KCNT2: variants seen among roughly 807,000 people sequenced by gnomAD.
KCNT2 encodes potassium channel subfamily T member 2.
A neutral mutation model predicts 153.8 loss-of-function variants in KCNT2; 67 were observed. The ratio of observed to expected loss-of-function variants is 0.44; its 90% confidence interval spans 0.36 to 0.53. KCNT2 has a LOEUF of 0.53. KCNT2 is among the 20% of genes least tolerant of loss of function. The pLI is 0.00. For missense variants in KCNT2, 975 were observed against 1,354.8 expected (o/e 0.72, Z 4.40); for synonymous variants, 500 against 458.8 (o/e 1.09, Z -1.15).
At chr1:196,537,253 G>T (rs1189787711) in intron 1 of KCNT2, among the ~76,000 whole-genome samples, 1 of 152,160 alleles carries the variant, frequency 6.6e-6, no homozygotes. Context: ...ACAACATACG[G>T]TGAGGCTATG....
intron 25 of KCNT2, among the ~76,000 whole-genome samples, chr1:196,265,442 A>G (rs1657448097): frequency 6.6e-6 from 1 of 152,180 alleles, no homozygotes; most frequent in Non-Finnish European, 1.5e-5. Context: ...CATGTGTCTT[A>G]GCCCAGACCT....
intron 25 of KCNT2, among the ~76,000 whole-genome samples, chr1:196,269,050 T>A (rs1443684986): frequency 6.6e-6 from 1 of 152,044 alleles, no homozygotes. Context: ...TGTGAAGAAA[T>A]CAAAGGCGTA....
chr1:196,273,733 A>G (rs931318491), intron 25 of KCNT2, among the ~76,000 whole-genome samples: 8 of 151,762 alleles, frequency 5.3e-5, no homozygotes, highest in Non-Finnish European at 1.2e-4. Context: ...TCCCATTGTA[A>G]TAGTAGAGTG....
At chr1:196,424,191 A>G (rs144492374) in intron 11 of KCNT2, among the ~76,000 whole-genome samples, 2 of 151,988 alleles carry the variant, frequency 1.3e-5, no homozygotes, top group Non-Finnish European at 2.9e-5. Flanking sequence ...TCATTTTAAG[A>G]CTATTGGTAA....
chr1:196,561,524 A>G (rs185152874), intron 1 of KCNT2, among the ~76,000 whole-genome samples: 136 of 151,640 alleles, frequency 9.0e-4, no homozygotes, highest in Admixed American at 1.8e-3. Flanking sequence ...TTGTAAACCA[A>G]AAAGTATCTG....
chr1:196,577,408 G>A (rs1661494900), intron 1 of KCNT2, among the ~76,000 whole-genome samples: 1 of 152,174 alleles, frequency 6.6e-6, no homozygotes, highest in Admixed American at 6.6e-5. Flanking sequence ...AAGCCTGACA[G>A]ACTGAATGGA....
At chr1:196,496,053 G>A (rs1229798804) in intron 1 of KCNT2, among the ~76,000 whole-genome samples, 1 of 151,856 alleles carries the variant, frequency 6.6e-6, no homozygotes, top group Non-Finnish European at 1.5e-5. Flanking sequence ...TCTCTTACAT[G>A]TGATTTTTTT....
In KCNT2 at chr1:196,226,802, T is replaced by G. The variant is rs146118338; in HGVS notation, c.*1422A>C. The stretch of plus-strand genomic sequence containing the variant: ...AAAAAAGTCCCTTTCTAGTTTTATA[T>G]GTATTTTTTGTTGTTGCTGAATTAA... On this transcript the variant is annotated 3_prime_UTR_variant, in exon 28 of 28. Coordinates refer to ENST00000294725, the MANE Select transcript of KCNT2 (RefSeq NM_198503.5). 6.6e-6 allele frequency: 1 copy of G among 152,030 alleles called. No individual in the cohort carries two copies. The highest frequency in any genetic ancestry group is 1.5e-5 in the Non-Finnish European group (1 of 67,862). 9.4% of individuals were successfully genotyped at this position (152,030 alleles called of 1,614,324 possible).
rs1243590926 is a variant in KCNT2, at chr1:196,584,195, A to AAAATAAAATAAAAT, written c.95+24019_95+24020insATTTTATTTTATTT. On this transcript the variant is annotated intron_variant, in intron 1 of 27. Coordinates refer to ENST00000294725, the MANE Select transcript of KCNT2 (RefSeq NM_198503.5). Reference sequence around the variant, plus strand: ...TAAAATAAAATAAAATAAAATAAAAAGAATAGAAGCTCCCGCCCAAACCCT... The same window carrying AAAATAAAATAAAAT: ...TAAAATAAAATAAAATAAAATAAAAAAAATAAAATAAAATGAATAGAAGCTCCCGCCCAAACCCT... 2.6e-3 allele frequency among the ~76,000 whole-genome samples: 11 copies of AAAATAAAATAAAAT among 4,258 alleles called. 1 individual carries two copies. The South Asian group carries it at 0.13, about 51-fold the overall frequency. The allele number at this position is 4,258 out of a possible 152,430, so 2.8% of individuals were successfully genotyped here.
intron 22 of KCNT2, among the ~76,000 whole-genome samples, chr1:196,289,970 C>G (rs919380378): frequency 2.0e-5 from 3 of 151,892 alleles, no homozygotes; most frequent in African/African-American, 7.2e-5. Context: ...GAACATGTGC[C>G]TTTCTTGGAA....
chr1:196,261,525 T>C (rs1657024711), intron 25 of KCNT2, among the ~76,000 whole-genome samples: 1 of 151,770 alleles, frequency 6.6e-6, no homozygotes, highest in Non-Finnish European at 1.5e-5. Flanking sequence ...AGGAAGAAAA[T>C]AATACGAAAT....
At chr1:196,305,863 T>G (rs1017446641) in intron 21 of KCNT2, among the ~76,000 whole-genome samples, 1 of 152,154 alleles carries the variant, frequency 6.6e-6, no homozygotes, top group African/African-American at 2.4e-5. Context: ...AAAACTTCAT[T>G]GTAATTAATT....
chr1:196,489,924 G>A lies in KCNT2; in HGVS notation c.189C>T (p.Arg63=). 1 of 1,555,592 alleles carries A rather than the reference G, an allele frequency of 6.4e-7. No individual in the cohort carries two copies. The highest frequency in any genetic ancestry group is 1.9e-5 in the Admixed American group (1 of 53,766). ...IKNQRSSLRI[R]LFNFSLKLLS... is the part of the protein sequence containing the mutation. Reference sequence around the variant, plus strand: ...GTAATTTGAGAGAAAAATTGAACAGGCGTATCCTTAGACCTTTAAACAAAT... The same window carrying A: ...GTAATTTGAGAGAAAAATTGAACAGACGTATCCTTAGACCTTTAAACAAAT... The change falls in exon 3 of 28, where the codon CGC becomes CGT. Residue 63 remains arginine (R), a synonymous_variant. Coordinates refer to ENST00000294725, the MANE Select transcript of KCNT2 (RefSeq NM_198503.5).
At chr1:196,235,220 C>A (rs1414506789) in intron 27 of KCNT2, among the ~76,000 whole-genome samples, 1 of 151,414 alleles carries the variant, frequency 6.6e-6, no homozygotes, top group African/African-American at 2.4e-5. Flanking sequence ...TTATGCAATT[C>A]CTGCATTTTC....
rs191431810 is a variant in KCNT2, at chr1:196,332,457, A to T, written c.1998-1196T>A. On this transcript the variant is annotated intron_variant, in intron 17 of 27. Transcript: ENST00000294725. ...GAAGAGTAGATTTGGTTTTGTGGGTACACCAACCTTTCTTACAGTATTTTT... is the reference window on the plus strand; with the variant it reads ...GAAGAGTAGATTTGGTTTTGTGGGTTCACCAACCTTTCTTACAGTATTTTT... Among the ~76,000 whole-genome samples the T allele has an allele frequency of 6.1e-4, 93 of 152,240 alleles. No homozygotes were observed. In the South Asian group the frequency reaches 7.2e-3, roughly 12 times the overall value.
intron 1 of KCNT2, among the ~76,000 whole-genome samples, chr1:196,568,402 G>A (rs1488449296): frequency 6.6e-6 from 1 of 151,918 alleles, no homozygotes; most frequent in Non-Finnish European, 1.5e-5. Flanking sequence ...GCCCATCCTG[G>A]CTAACACGGT....
intron 1 of KCNT2, among the ~76,000 whole-genome samples, chr1:196,520,286 G>A (rs1653181583): frequency 6.6e-6 from 1 of 151,718 alleles, no homozygotes. Flanking sequence ...TCAGAAACCA[G>A]GTATTGAAAA....
chr1:196,296,894 GA>G (rs1320391930), intron 22 of KCNT2, among the ~76,000 whole-genome samples: 1 of 151,954 alleles, frequency 6.6e-6, no homozygotes, highest in Non-Finnish European at 1.5e-5. Context: ...ATCAAATAGT[GA>G]TGGACATACT....
chr1:196,592,556 GTATT>G (rs376744685), intron 1 of KCNT2, among the ~76,000 whole-genome samples: 124 of 145,458 alleles, frequency 8.5e-4, no homozygotes, highest in African/African-American at 3.0e-3. Context: ...ATATATAAAT[GTATT>G]TATATAGTTA....
Sources: gnomAD v4.1 joint callset for allele counts (sites outside exome capture counted in the v4.1 genomes callset) on GRCh38, gnomAD v4.1.1 for gene constraint, MANE v1.5 for transcripts, NCBI Gene and HGNC (gene_info 2026-07-23, HGNC 2026-07-21) for gene names.